The following MARCHF4 variants were observed in gnomAD, a reference collection of about 807,000 sequenced individuals.
MARCHF4 encodes the protein E3 ubiquitin-protein ligase MARCHF4.
MARCHF4 carries 14 observed loss-of-function variants against 43.9 expected under a neutral mutation model. That is an observed-to-expected ratio of 0.32 (90% CI 0.21 to 0.50). The LOEUF is 0.50. Among genes scored for constraint, MARCHF4 ranks in the 20% least tolerant of loss-of-function variants. The pLI, the probability that MARCHF4 is intolerant of heterozygous loss-of-function variation, is 0.98. For synonymous variants in MARCHF4, 226 were observed against 213.3 expected, an observed-to-expected ratio of 1.06 and a Z score of -0.52; for missense variants, 468 against 536.7, an observed-to-expected ratio of 0.87 and a Z score of 1.27.
At chr2:216,344,834 G>C (rs895922512) in intron 1 of MARCHF4, among the ~76,000 whole-genome samples, 6 of 152,024 alleles carry the variant, frequency 3.9e-5, no homozygotes, top group Non-Finnish European at 7.4e-5. Context: ...ATGGAGCCAA[G>C]TCCACGTGGA....
intron 1 of MARCHF4, among the ~76,000 whole-genome samples, chr2:216,318,828 G>T (rs1223227621): frequency 2.0e-5 from 3 of 151,954 alleles, no homozygotes; most frequent in Admixed American, 2.0e-4. Context: ...ATGTGACTAA[G>T]AAAAAATCAT....
At chr2:216,343,094 C>G (rs1336780849) in intron 1 of MARCHF4, among the ~76,000 whole-genome samples, 1 of 152,122 alleles carries the variant, frequency 6.6e-6, no homozygotes, top group African/African-American at 2.4e-5. Flanking sequence ...AGGCTGTGAC[C>G]AAGTTGAGGG....
chr2:216,304,030 G>T (rs568063862), intron 1 of MARCHF4, among the ~76,000 whole-genome samples: 4 of 152,168 alleles, frequency 2.6e-5, no homozygotes, highest in Non-Finnish European at 4.4e-5. Flanking sequence ...CTTGGAAAGA[G>T]AAATTTAGGG....
intron 1 of MARCHF4, chr2:216,351,351 T>C (rs1692401771): frequency 6.6e-6 from 1 of 152,448 alleles, no homozygotes; most frequent in Admixed American, 6.5e-5. Context: ...GGCTGAAGGC[T>C]TATCAGCAGA....
chr2:216,361,860 G>A (rs1466201914), intron 1 of MARCHF4, among the ~76,000 whole-genome samples: 4 of 152,210 alleles, frequency 2.6e-5, no homozygotes, highest in African/African-American at 9.6e-5. Context: ...AGGTCTCTGA[G>A]ACACACTGGT....
At chr2:216,354,544 C>T (rs1334279004) in intron 1 of MARCHF4, among the ~76,000 whole-genome samples, 1 of 152,180 alleles carries the variant, frequency 6.6e-6, no homozygotes, top group Non-Finnish European at 1.5e-5. Flanking sequence ...CACTAGACTC[C>T]AAGCTCTCCA....
chr2:216,364,908 T>A (rs181324327), intron 1 of MARCHF4, among the ~76,000 whole-genome samples: 7 of 152,356 alleles, frequency 4.6e-5, no homozygotes, highest in Admixed American at 2.6e-4. Context: ...GAAAGGAGGA[T>A]AAAATATATT....
In MARCHF4 at chr2:216,263,109, A is replaced by G. The variant is rs576817495; in HGVS notation, c.866-3430T>C. 4.6e-5 allele frequency among the ~76,000 whole-genome samples: 7 copies of G among 152,282 alleles called. No individual in the cohort carries two copies. In the East Asian group the frequency reaches 9.7e-4, roughly 21 times the overall value. On this transcript the variant is annotated intron_variant, in intron 3 of 3. Transcript: ENST00000273067. Reference sequence around the variant, plus strand: ...AGGCAGCCAGTATCCAACAGCATCCAGAAGGGAAAATGGGTGGTAAAGAAA... The same window carrying G: ...AGGCAGCCAGTATCCAACAGCATCCGGAAGGGAAAATGGGTGGTAAAGAAA...
intron 1 of MARCHF4, among the ~76,000 whole-genome samples, chr2:216,333,888 G>A (rs1024344210): frequency 2.6e-5 from 4 of 152,066 alleles, no homozygotes; most frequent in Non-Finnish European, 2.9e-5. Context: ...TTTGTGACAT[G>A]GTGCCAAAGC....
intron 1 of MARCHF4, among the ~76,000 whole-genome samples, chr2:216,317,499 C>A (rs574985344): frequency 6.6e-6 from 1 of 152,264 alleles, no homozygotes; most frequent in East Asian, 1.9e-4. Context: ...CTGCAACCTT[C>A]CACCTCCTGG....
intron 3 of MARCHF4, among the ~76,000 whole-genome samples, chr2:216,269,395 G>A (rs1243461602): frequency 6.6e-6 from 1 of 152,174 alleles, no homozygotes; most frequent in East Asian, 1.9e-4. Flanking sequence ...GACAGAAGAG[G>A]AGGCAGGTGG....
chr2:216,281,443 T>G (rs955330930), intron 2 of MARCHF4, among the ~76,000 whole-genome samples: 3 of 152,198 alleles, frequency 2.0e-5, no homozygotes, highest in Admixed American at 6.5e-5. Context: ...CCCTCTCTGA[T>G]AGCAGAGGCA....
intron 1 of MARCHF4, among the ~76,000 whole-genome samples, chr2:216,335,033 T>TA (rs1350501909): frequency 2.0e-5 from 3 of 152,122 alleles, no homozygotes; most frequent in Non-Finnish European, 2.9e-5. Context: ...TTATATGTTG[T>TA]AAAAAAATAA....
intron 3 of MARCHF4, among the ~76,000 whole-genome samples, chr2:216,271,957 ATTTTTTTTTTTTT>A (rs57629851): frequency 9.9e-6 from 1 of 100,602 alleles, no homozygotes; most frequent in African/African-American, 4.1e-5. Flanking sequence ...CACCTGGCTA[ATTTTTTTTTTTTT>A]TTTTTTTTTT....
intron 3 of MARCHF4, among the ~76,000 whole-genome samples, chr2:216,260,335 A>C (rs1690721074): frequency 6.6e-6 from 1 of 152,264 alleles, no homozygotes; most frequent in Non-Finnish European, 1.5e-5. Context: ...GGAGACACAC[A>C]ATAGACAAAC....
intron 1 of MARCHF4, among the ~76,000 whole-genome samples, chr2:216,362,036 T>C (rs1404653367): frequency 1.3e-5 from 2 of 152,206 alleles, no homozygotes; most frequent in Admixed American, 6.5e-5. Flanking sequence ...CCAAGACCAC[T>C]CTGCTGGGAA....
At chr2:216,319,862 C>A (rs566666830) in intron 1 of MARCHF4, among the ~76,000 whole-genome samples, 2 of 152,290 alleles carry the variant, frequency 1.3e-5, no homozygotes, top group African/African-American at 4.8e-5. Context: ...GATGATAGAA[C>A]TAATACCCCC....
intron 1 of MARCHF4, among the ~76,000 whole-genome samples, chr2:216,355,310 C>G (rs947347787): frequency 3.3e-5 from 5 of 151,934 alleles, no homozygotes; most frequent in Admixed American, 3.3e-4. Flanking sequence ...ATTAACCAAA[C>G]AATATGGAAA....
At chr2:216,359,383 CT>C (rs1215763840) in intron 1 of MARCHF4, among the ~76,000 whole-genome samples, 1 of 152,150 alleles carries the variant, frequency 6.6e-6, no homozygotes, top group Non-Finnish European at 1.5e-5. Context: ...CTGTTTCCCC[CT>C]ATTAGCCACT....
Sources: gnomAD v4.1 joint callset for allele counts (sites outside exome capture counted in the v4.1 genomes callset) on GRCh38, gnomAD v4.1.1 for gene constraint, MANE v1.5 for transcripts, NCBI Gene and HGNC (gene_info 2026-07-23, HGNC 2026-07-21) for gene names.